STK39: variants seen among roughly 807,000 people sequenced by gnomAD.
The protein encoded by STK39 is STE20/SPS1-related proline-alanine-rich protein kinase.
STK39 carries 20 observed loss-of-function variants against 77.8 expected under a neutral mutation model. The ratio of observed to expected loss-of-function variants is 0.26; its 90% confidence interval spans 0.18 to 0.37. The LOEUF (loss-of-function observed/expected upper bound fraction) is 0.37, where lower values mean the gene tolerates loss of function less well. STK39 is among the 10% of genes least tolerant of loss of function. STK39 has a pLI of 1.00. For missense variants in STK39, 479 were observed against 656.5 expected (o/e 0.73, Z 2.95); for synonymous variants, 246 against 234.1 (o/e 1.05, Z -0.47).
In STK39 at chr2:168,043,955, G is replaced by A. The variant is rs183178891; in HGVS notation, c.1376+19545C>T. On this transcript the variant is annotated intron_variant, in intron 14 of 17. Coordinates refer to ENST00000355999, the MANE Select transcript of STK39 (RefSeq NM_013233.3). ...TCTTTATATTAGAACAATAATAGAT[G>A]TAGGCATTATTATTGAGGATTTAGC... Among the ~76,000 whole-genome samples the A allele has an allele frequency of 7.7e-4, 117 of 152,302 alleles. 1 individual carries two copies. Among genetic ancestry groups the A allele is most frequent in the Non-Finnish European group, 2.6e-4 (18 of 68,034 alleles).
chr2:168,041,536 CGTCT>C (rs1255137179), intron 14 of STK39, among the ~76,000 whole-genome samples: 1 of 151,996 alleles, frequency 6.6e-6, no homozygotes, highest in Non-Finnish European at 1.5e-5. Context: ...AGTGGAGGCT[CGTCT>C]GTCTAAGTGA....
chr2:168,076,885 G>A (rs1686094106), intron 10 of STK39, among the ~76,000 whole-genome samples: 1 of 152,070 alleles, frequency 6.6e-6, no homozygotes, highest in Admixed American at 6.5e-5. Flanking sequence ...AAGTACTATA[G>A]AAAAAATGCC....
intron 1 of STK39, among the ~76,000 whole-genome samples, chr2:168,210,807 A>G: frequency 6.6e-6 from 1 of 152,208 alleles, no homozygotes; most frequent in East Asian, 1.9e-4. Flanking sequence ...GACGTGAGCC[A>G]CTGCGCCCAG....
chr2:167,972,102 G>A (rs951910709), intron 16 of STK39, among the ~76,000 whole-genome samples: 1 of 152,212 alleles, frequency 6.6e-6, no homozygotes, highest in Non-Finnish European at 1.5e-5. Context: ...CAGGGCTACA[G>A]TGTGGCAAGC....
Position 168,021,788 on chromosome 2 carries a change from AT to A in STK39, c.1377-4694del, listed in dbSNP as rs11437167. On this transcript the variant is annotated intron_variant, in intron 14 of 17. Transcript: ENST00000355999. ...CATACAGAACTCAGAAAGGACATTT[AT>A]TTTTTTTTTAAGTAGGTGATACAAT... Among the ~76,000 whole-genome samples, 7 of 150,320 alleles carry A rather than the reference AT, an allele frequency of 4.7e-5. No individual in the cohort carries two copies. The South Asian group carries it at 1.3e-3, about 27-fold the overall frequency.
At chr2:168,204,359 C>G (rs1689688219) in intron 1 of STK39, among the ~76,000 whole-genome samples, 3 of 152,198 alleles carry the variant, frequency 2.0e-5, no homozygotes, top group Admixed American at 2.0e-4. Flanking sequence ...CCATCCTCCA[C>G]CAACCATTGC....
At chr2:168,129,446 T>C (rs1263458325) in intron 10 of STK39, 95 bp downstream of exon 10, 15 of 1,365,890 alleles carry the variant, frequency 1.1e-5, no homozygotes, top group Non-Finnish European at 1.4e-5. Flanking sequence ...GAATAGTATA[T>C]CCTGCATATG....
At chr2:168,193,319 T>C (rs1224611538) in intron 1 of STK39, among the ~76,000 whole-genome samples, 1 of 151,898 alleles carries the variant, frequency 6.6e-6, no homozygotes, top group Non-Finnish European at 1.5e-5. Flanking sequence ...CTTCACACAC[T>C]CTCACCCAGA....
At chr2:168,141,040 A>G (rs529646988) in intron 5 of STK39, among the ~76,000 whole-genome samples, 3 of 152,342 alleles carry the variant, frequency 2.0e-5, no homozygotes, top group African/African-American at 7.2e-5. Flanking sequence ...TGAGGTATAT[A>G]AAGATAAGAT....
chr2:167,999,597 A>G (rs7595760), intron 16 of STK39, among the ~76,000 whole-genome samples: 116,870 of 151,862 alleles, frequency 0.77, 45,212 homozygotes, highest in African/African-American at 0.84. Flanking sequence ...GAGTAGCTGG[A>G]ACTACAGGCG....
At chr2:168,163,264 C>T (rs1191427012) in intron 4 of STK39, among the ~76,000 whole-genome samples, 1 of 152,138 alleles carries the variant, frequency 6.6e-6, no homozygotes, top group Non-Finnish European at 1.5e-5. Context: ...TTCCCTCTCA[C>T]CACCACATCA....
chr2:168,110,426 T>C (rs4667559), intron 10 of STK39, among the ~76,000 whole-genome samples: 148,494 of 152,146 alleles, frequency 0.98, 72,545 homozygotes, highest in East Asian at 1. Context: ...TTTGTAGAGA[T>C]GCGGTCTCGC....
intron 1 of STK39, among the ~76,000 whole-genome samples, chr2:168,235,075 T>C (rs953539622): frequency 6.6e-6 from 1 of 151,806 alleles, no homozygotes; most frequent in Admixed American, 6.6e-5. Context: ...TCTCACTCTG[T>C]TACCCAGGCT....
Position 167,998,856 on chromosome 2 carries a change from T to C in STK39, c.1498+13778A>G, listed in dbSNP as rs1683920197. Among the ~76,000 whole-genome samples the C allele has an allele frequency of 2.0e-5, 3 of 152,204 alleles. No individual in the cohort carries two copies. The South Asian group carries it at 6.2e-4, about 32-fold the overall frequency. On this transcript the variant is annotated intron_variant, in intron 16 of 17. Coordinates refer to ENST00000355999, the MANE Select transcript of STK39 (RefSeq NM_013233.3). ...GGATGATTTGCTTGTCTATCTGTGGTTCCTACTCACCTCAGTCAAACGAAA... is the reference window on the plus strand; with the variant it reads ...GGATGATTTGCTTGTCTATCTGTGGCTCCTACTCACCTCAGTCAAACGAAA...
chr2:167,955,651 C>G, intron 17 of STK39, 81 bp from the exon 18 acceptor site: 6 of 1,398,456 alleles, frequency 4.3e-6, no homozygotes, highest in Non-Finnish European at 6.0e-6. Flanking sequence ...GATGGCAGAT[C>G]TAAGCAAAGG....
At chr2:167,992,012 G>C (rs1417871117) in intron 16 of STK39, among the ~76,000 whole-genome samples, 6 of 152,118 alleles carry the variant, frequency 3.9e-5, no homozygotes, top group African/African-American at 1.4e-4. Context: ...TTCTTAAACT[G>C]CTTTTATCTA....
chr2:168,099,898 T>C (rs1267878805), intron 10 of STK39, among the ~76,000 whole-genome samples: 1 of 152,194 alleles, frequency 6.6e-6, no homozygotes, highest in African/African-American at 2.4e-5. Flanking sequence ...CCAGGCTTGC[T>C]ACTGAGAAAA....
intron 17 of STK39, among the ~76,000 whole-genome samples, chr2:167,962,214 G>A (rs1398333076): frequency 6.6e-6 from 1 of 152,200 alleles, no homozygotes; most frequent in Non-Finnish European, 1.5e-5. Flanking sequence ...ATGCGCAGCA[G>A]CAGCTTACGA....
At chr2:168,238,061 A>G (rs1690665310) in intron 1 of STK39, among the ~76,000 whole-genome samples, 2 of 152,212 alleles carry the variant, frequency 1.3e-5, no homozygotes. Context: ...TTCAATCCCC[A>G]GACTAAACAG....
Sources: gnomAD v4.1 joint callset for allele counts (sites outside exome capture counted in the v4.1 genomes callset) on GRCh38, gnomAD v4.1.1 for gene constraint, MANE v1.5 for transcripts, NCBI Gene and HGNC (gene_info 2026-07-23, HGNC 2026-07-21) for gene names.